Variants in CTNNA2 observed in about 807,000 individuals in gnomAD.
The protein encoded by CTNNA2 is catenin alpha 2.
A neutral mutation model predicts 101.0 loss-of-function variants in CTNNA2; 42 were observed. That is an observed-to-expected ratio of 0.42 (90% CI 0.32 to 0.54). The LOEUF (loss-of-function observed/expected upper bound fraction) is 0.54, where lower values mean the gene tolerates loss of function less well. Among genes scored for constraint, CTNNA2 ranks in the 20% least tolerant of loss-of-function variants. CTNNA2 has a pLI of 0.14. For missense variants in CTNNA2, 871 were observed against 1,223.1 expected (o/e 0.71, Z 4.29); for synonymous variants, 450 against 456.4 (o/e 0.99, Z 0.18).
chr2:80,152,500 A>C (rs1703769542), intron 7 of CTNNA2, among the ~76,000 whole-genome samples: 1 of 152,092 alleles, frequency 6.6e-6, no homozygotes, highest in African/African-American at 2.4e-5. Context: ...GGATTCCATA[A>C]ATGTTTGATG....
At chr2:80,455,501 C>A (rs1208568357) in intron 9 of CTNNA2, among the ~76,000 whole-genome samples, 1 of 152,104 alleles carries the variant, frequency 6.6e-6, no homozygotes, top group Non-Finnish European at 1.5e-5. Flanking sequence ...ACATTAGGGT[C>A]TCCACGGCAT....
chr2:79,954,821 C>T (rs559887178), intron 7 of CTNNA2, among the ~76,000 whole-genome samples: 16 of 152,116 alleles, frequency 1.1e-4, no homozygotes, highest in South Asian at 4.2e-4. Flanking sequence ...TTTTCAATAT[C>T]GTTGTTATTC....
At chr2:79,554,554 CCCATTGCCAGG>C (rs1304067869) in intron 1 of CTNNA2, among the ~76,000 whole-genome samples, 1 of 152,076 alleles carries the variant, frequency 6.6e-6, no homozygotes, top group Non-Finnish European at 1.5e-5. Flanking sequence ...TTTTGTCATA[CCCATTGCCAGG>C]CCATAGGATG....
At chr2:79,611,076 G>A (rs1678241256) in intron 1 of CTNNA2, among the ~76,000 whole-genome samples, 1 of 152,094 alleles carries the variant, frequency 6.6e-6, no homozygotes, top group Non-Finnish European at 1.5e-5. Flanking sequence ...ACAATAGTAT[G>A]TATACCTAAT....
intron 4 of CTNNA2, among the ~76,000 whole-genome samples, chr2:79,406,424 A>G (rs1678342606): frequency 6.6e-6 from 1 of 152,004 alleles, no homozygotes; most frequent in African/African-American, 2.4e-5. Context: ...AGGCCCCACA[A>G]TGGGCATGAG....
At chr2:80,079,482 G>C (rs1310576716) in intron 7 of CTNNA2, among the ~76,000 whole-genome samples, 2 of 152,080 alleles carry the variant, frequency 1.3e-5, no homozygotes, top group Non-Finnish European at 2.9e-5. Context: ...AAGAGAGATA[G>C]CCCTGCCTCT....
At chr2:79,195,005 C>T (rs1673940341) in intron 1 of CTNNA2, among the ~76,000 whole-genome samples, 1 of 152,060 alleles carries the variant, frequency 6.6e-6, no homozygotes, top group African/African-American at 2.4e-5. Context: ...GCTCACATCG[C>T]CATTTGGAAT....
rs114839495 is a variant in CTNNA2 at position 80,030,720 on chromosome 2, G to A, written c.1056+120923G>A. 2.8e-3 allele frequency among the ~76,000 whole-genome samples: 420 copies of A among 152,258 alleles called. 1 individual carries two copies. Among genetic ancestry groups the A allele is most frequent in the African/African-American group, 9.3e-3 (385 of 41,558 alleles). On this transcript the variant is annotated intron_variant, in intron 7 of 18. Coordinates refer to ENST00000402739, the MANE Select transcript of CTNNA2 (RefSeq NM_001282597.3). Reference sequence around the variant, plus strand: ...TATCATAAATTTAAGGTAGAAAACTGAGTAATGGACTGGGAAGAATCATTT... The same window carrying A: ...TATCATAAATTTAAGGTAGAAAACTAAGTAATGGACTGGGAAGAATCATTT...
chr2:80,456,099 C>T (rs1384257573), intron 9 of CTNNA2, among the ~76,000 whole-genome samples: 1 of 152,266 alleles, frequency 6.6e-6, no homozygotes, highest in Admixed American at 6.5e-5. Context: ...AGATATGGCT[C>T]CTAATGCCTG....
intron 7 of CTNNA2, among the ~76,000 whole-genome samples, chr2:79,956,843 G>GTTTTTTTTTTCTTTTTTTTTTTTTT (rs1302247404): frequency 4.0e-5 from 4 of 98,936 alleles, no homozygotes; most frequent in Admixed American, 1.1e-4. Context: ...ATACGTGTGG[G>GTTTTTTTTTTCTTTTTTTTTTTTTT]TTTTTTTTTT....
chr2:80,440,830 A>G lies in CTNNA2; in HGVS notation c.1290+21229A>G, dbSNP rs560573745. 4.6e-5 allele frequency among the ~76,000 whole-genome samples: 7 copies of G among 152,318 alleles called. No individual in the cohort carries two copies. The South Asian group carries it at 1.5e-3, about 32-fold the overall frequency. ...ATTCCAAGTAAGTGGGGCAGAATAGACTAAGTAATCTTGTAATAGACAACC... is the reference window on the plus strand; with the variant it reads ...ATTCCAAGTAAGTGGGGCAGAATAGGCTAAGTAATCTTGTAATAGACAACC... On this transcript the variant is annotated intron_variant, in intron 9 of 18. Transcript: ENST00000402739.
At chr2:80,308,072 C>G (rs916971952) in intron 7 of CTNNA2, among the ~76,000 whole-genome samples, 1 of 152,164 alleles carries the variant, frequency 6.6e-6, no homozygotes, top group Non-Finnish European at 1.5e-5. Context: ...TCTCTTCAAC[C>G]TTGTAAATTA....
intron 18 of CTNNA2, 44 bp downstream of exon 18, chr2:80,619,272 A>G (rs1453634309): frequency 1.4e-6 from 2 of 1,452,242 alleles, no homozygotes; most frequent in Non-Finnish European, 1.8e-6. Context: ...CATTGTAATC[A>G]TGAATTCTGA....
intron 18 of CTNNA2, among the ~76,000 whole-genome samples, chr2:80,636,373 A>G (rs1558666336): frequency 6.6e-6 from 1 of 152,170 alleles, no homozygotes; most frequent in Non-Finnish European, 1.5e-5. Context: ...AATACAGTTA[A>G]AGATTTAGGA....
At chr2:80,201,433 G>A (rs1005023266) in intron 7 of CTNNA2, among the ~76,000 whole-genome samples, 8 of 143,572 alleles carry the variant, frequency 5.6e-5, no homozygotes. Context: ...GAGTGCAGTG[G>A]TGCAAACTCG....
intron 18 of CTNNA2, among the ~76,000 whole-genome samples, chr2:80,622,298 A>G (rs898096712): frequency 1.3e-5 from 2 of 151,932 alleles, no homozygotes; most frequent in African/African-American, 4.8e-5. Context: ...AGAGAAATAC[A>G]TAACAGGCAG....
chr2:80,088,871 C>T (rs1045401083), intron 7 of CTNNA2, among the ~76,000 whole-genome samples: 2 of 151,986 alleles, frequency 1.3e-5, no homozygotes, highest in African/African-American at 2.4e-5. Context: ...ACCTACAGCT[C>T]TTCTGTTAGT....
chr2:79,433,848 T>C (rs753871484), intron 4 of CTNNA2, among the ~76,000 whole-genome samples: 5 of 152,170 alleles, frequency 3.3e-5, no homozygotes, highest in Non-Finnish European at 7.3e-5. Context: ...AATTCATTCA[T>C]CAGAATTTCG....
At chr2:80,507,580 A>C (rs563876383) in intron 9 of CTNNA2, among the ~76,000 whole-genome samples, 1 of 152,284 alleles carries the variant, frequency 6.6e-6, no homozygotes, top group South Asian at 2.1e-4. Context: ...TTGTGGCTGA[A>C]ATTTTATTAT....
Sources: gnomAD v4.1 joint callset for allele counts (sites outside exome capture counted in the v4.1 genomes callset) on GRCh38, gnomAD v4.1.1 for gene constraint, MANE v1.5 for transcripts, NCBI Gene and HGNC (gene_info 2026-07-23, HGNC 2026-07-21) for gene names.